NEURL1B: variants seen among roughly 807,000 people sequenced by gnomAD.
NEURL1B encodes the protein E3 ubiquitin-protein ligase NEURL1B.
In NEURL1B, 13 loss-of-function variants were observed where a neutral mutation model predicts 37.4. That is an observed-to-expected ratio of 0.35 (90% confidence interval 0.23 to 0.55). NEURL1B has a LOEUF of 0.55. Ranked by LOEUF, NEURL1B falls within the 20% of genes least tolerant of loss-of-function variation. The pLI, the probability that NEURL1B is intolerant of heterozygous loss-of-function variation, is 0.89. For synonymous variants in NEURL1B, 432 were observed against 426.6 expected, an observed-to-expected ratio of 1.01 and a Z score of -0.16; for missense variants, 790 against 879.2, an observed-to-expected ratio of 0.90 and a Z score of 1.28.
At chr5:172,642,018 C>T (rs1265241902) in intron 1 of NEURL1B, among the ~76,000 whole-genome samples, 2 of 152,240 alleles carry the variant, frequency 1.3e-5, no homozygotes, top group African/African-American at 4.8e-5. Flanking sequence ...GTCGCTGCTG[C>T]AGATCGCATC....
chr5:172,664,903 T>C (rs1202485636), intron 1 of NEURL1B, among the ~76,000 whole-genome samples: 3 of 152,214 alleles, frequency 2.0e-5, no homozygotes, highest in African/African-American at 7.2e-5. Flanking sequence ...TAAACAAATA[T>C]GTAAACTTCG....
intron 2 of NEURL1B, among the ~76,000 whole-genome samples, chr5:172,679,232 A>G (rs1198284876): frequency 6.6e-6 from 1 of 152,092 alleles, no homozygotes; most frequent in Non-Finnish European, 1.5e-5. Context: ...CCTGTCTGTC[A>G]CCCCCAGGCT....
intron 2 of NEURL1B, among the ~76,000 whole-genome samples, chr5:172,673,758 T>C (rs1758175681): frequency 6.8e-6 from 1 of 147,032 alleles, no homozygotes; most frequent in Non-Finnish European, 1.5e-5. Context: ...GCCTGGCTAA[T>C]TAGGAAAAAA....
chr5:172,683,437 C>T lies in NEURL1B; in HGVS notation c.596C>T (p.Thr199Met). 7.0e-7 allele frequency: 1 copy of T among 1,431,732 alleles called. No individual in the cohort carries two copies. The highest frequency in any genetic ancestry group is 9.2e-7 in the Non-Finnish European group (1 of 1,091,846). 88.7% of individuals were successfully genotyped at this position (1,431,732 alleles called of 1,614,324 possible). Residue 199 changes from threonine to methionine, a missense_variant, in exon 3 of 5, where the codon ACG (threonine) becomes ATG (methionine). By Grantham distance (81) the Thr-to-Met change is moderately conservative (BLOSUM62 -1). Around this residue, in one of 3 missense-constraint regions of NEURL1B, gnomAD observed 460 missense variants for 407.4 expected, o/e 1.13. Transcript: ENST00000369800. The surrounding 1 kb of genome is among the most constrained non-coding windows in gnomAD (Gnocchi z 5.6). ...CGCACAGAGAGCGCCTTCGCTGACACGCTGACGCCCGCGCGCCTCAGCCAG... is the reference window on the plus strand; with the variant it reads ...CGCACAGAGAGCGCCTTCGCTGACATGCTGACGCCCGCGCGCCTCAGCCAG... ...VQLLESAFADTLTPARLSQAR... is the reference protein window; with the variant it reads ...VQLLESAFADMLTPARLSQAR...
rs1758400535 is a variant in NEURL1B, at chr5:172,683,337, G to A, written c.578-82G>A. On this transcript the variant is annotated intron_variant, in intron 2 of 4. Coordinates refer to ENST00000369800, the MANE Select transcript of NEURL1B (RefSeq NM_001142651.3). This position sits in a 1 kb window ranked among gnomAD's most constrained non-coding sequence, Gnocchi z 5.6. ...CCCGGGTCGGTCGTGGAGGCCTGCA[G>A]GAGGCAGCGGGCGAGGAGGGGCTCG... 3.2e-6 allele frequency: 4 copies of A among 1,254,464 alleles called. No homozygotes were observed. The highest frequency in any genetic ancestry group is 1.6e-5 in the African/African-American group (1 of 64,012). 77.7% of individuals were successfully genotyped at this position (1,254,464 alleles called of 1,614,324 possible).
intron 1 of NEURL1B, among the ~76,000 whole-genome samples, chr5:172,664,485 G>A (rs529700727): frequency 1.1e-4 from 17 of 152,218 alleles, no homozygotes; most frequent in African/African-American, 2.6e-4. Context: ...GAGAGGCAGC[G>A]GGTGGGGGGG....
Position 172,676,905 on chromosome 5 carries a change from C to CA in NEURL1B, c.578-6511dup. Among the ~76,000 whole-genome samples the CA allele has an allele frequency of 6.6e-6, 1 of 152,172 alleles. No individual in the cohort carries two copies. The highest frequency in any genetic ancestry group is 1.5e-5 in the Non-Finnish European group (1 of 68,042). On this transcript the variant is annotated intron_variant, in intron 2 of 4. Transcript: ENST00000369800. This position sits in a 1 kb window ranked among gnomAD's most constrained non-coding sequence, Gnocchi z 4.5. ...AGAGTTTGTTCATTATTGTTATAAACAAAGTGTGTGATAAAGACCTGAACT... is the reference window on the plus strand; with the variant it reads ...AGAGTTTGTTCATTATTGTTATAAACAAAAGTGTGTGATAAAGACCTGAACT...
chr5:172,648,189 T>C (rs530994275), intron 1 of NEURL1B, among the ~76,000 whole-genome samples: 1 of 152,336 alleles, frequency 6.6e-6, no homozygotes, highest in East Asian at 1.9e-4. Context: ...ACGTAACCTC[T>C]CTAAGCCTTG....
At chr5:172,656,647 C>A in intron 1 of NEURL1B, 1 of 1,597,986 alleles carries the variant, frequency 6.3e-7, no homozygotes, top group South Asian at 1.1e-5. Context: ...TCTTCCTCGT[C>A]CATCTCCTTG....
chr5:172,653,539 A>AT (rs761298075), intron 1 of NEURL1B, among the ~76,000 whole-genome samples: 1 of 152,174 alleles, frequency 6.6e-6, no homozygotes, highest in Non-Finnish European at 1.5e-5. Flanking sequence ...TGTTATTTTA[A>AT]TGTCCAGTTC....
In NEURL1B at chr5:172,689,521, A is replaced by T. The variant is rs1250596895; in HGVS notation, c.*2596A>T. ...ACTGTACAGTTCCTTCCAATCAGAGATGTTCACGTGTGAAAAAAAAACTGT... is the reference window on the plus strand; with the variant it reads ...ACTGTACAGTTCCTTCCAATCAGAGTTGTTCACGTGTGAAAAAAAAACTGT... On this transcript the variant is annotated 3_prime_UTR_variant, in exon 5 of 5. Transcript: ENST00000369800. The T allele has an allele frequency of 6.6e-6, 1 of 152,128 alleles. No individual in the cohort carries two copies. The highest frequency in any genetic ancestry group is 1.9e-4 in the East Asian group (1 of 5,188). The allele number at this position is 152,128 out of a possible 1,614,324, so 9.4% of individuals were successfully genotyped here. A position where few individuals can be genotyped will look rare whatever the true frequency, so the allele number is the denominator to read the frequency against.
chr5:172,656,752 G>A (rs1235176464), intron 1 of NEURL1B: 9 of 828,500 alleles, frequency 1.1e-5, no homozygotes, highest in East Asian at 2.6e-5. Context: ...AAGTTTAAAA[G>A]TAGAAGGCAA....
chr5:172,658,855 C>T (rs1366383673), intron 1 of NEURL1B, among the ~76,000 whole-genome samples: 2 of 152,148 alleles, frequency 1.3e-5, no homozygotes, highest in Non-Finnish European at 2.9e-5. Context: ...GCCCTACCCC[C>T]AATTCTTTTT....
rs539125660 is a variant in NEURL1B, at chr5:172,686,983, G to A, written c.*58G>A. The A allele has an allele frequency of 1.3e-6, 2 of 1,507,832 alleles. No individual in the cohort carries two copies. The highest frequency in any genetic ancestry group is 1.3e-5 in the South Asian group (1 of 78,868). The allele number at this position is 1,507,832 out of a possible 1,614,324, so 93.4% of individuals were successfully genotyped here. On this transcript the variant is annotated 3_prime_UTR_variant, in exon 5 of 5. Transcript: ENST00000369800. This position sits in a 1 kb window ranked among gnomAD's most constrained non-coding sequence, Gnocchi z 7.9. ...GGTCACCTTTCTGAAGGCCCCCTGG[G>A]CTGGGCAACCACATGGCTGCCAGGG...
intron 1 of NEURL1B, among the ~76,000 whole-genome samples, chr5:172,652,082 C>T (rs1466785107): frequency 6.6e-6 from 1 of 152,260 alleles, no homozygotes; most frequent in Non-Finnish European, 1.5e-5. Context: ...CTTAAGCTCA[C>T]TGCATCCCTT....
Position 172,686,100 on chromosome 5 carries a change from G to A in NEURL1B, c.1298-71G>A. On this transcript the variant is annotated intron_variant, in intron 3 of 4. Transcript: ENST00000369800. The surrounding 1 kb of genome is among the most constrained non-coding windows in gnomAD (Gnocchi z 7.9). ...GACGGGAAAGCTAAGGTGCAAAGCA[G>A]TGAAGAACCATGGACTAGCAGGGCA... is the stretch of plus-strand genomic sequence containing the variant. The A allele has an allele frequency of 2.0e-6, 3 of 1,530,314 alleles. No homozygotes were observed. The highest frequency in any genetic ancestry group is 2.6e-6 in the Non-Finnish European group (3 of 1,135,414). 94.8% of individuals were successfully genotyped at this position (1,530,314 alleles called of 1,614,324 possible).
Position 172,670,183 on chromosome 5 carries a change from CTG to C in NEURL1B, c.431_432del (p.Leu144ArgfsTer37). On this transcript the variant is annotated frameshift_variant, in exon 2 of 5. Coordinates refer to ENST00000369800, the MANE Select transcript of NEURL1B (RefSeq NM_001142651.3). LOFTEE classifies it high-confidence loss of function. ...PENLALRDTVLAYWADRHGRV... is the reference protein window; with the variant it reads ...PENLALRDTVXAYWADRHGRV... ...GAACCTGGCGCTGCGCGACACGGTG[CTG>C]GCCTACTGGGCCGACCGCCACGGCC... The C allele has an allele frequency of 1.4e-6, 2 of 1,479,142 alleles. No homozygotes were observed. Among genetic ancestry groups the C allele is most frequent in the Non-Finnish European group, 1.8e-6 (2 of 1,119,186 alleles). The allele number at this position is 1,479,142 out of a possible 1,614,324, so 91.6% of individuals were successfully genotyped here.
rs1158448111 is a variant in NEURL1B, at chr5:172,647,654, TG to T, written c.31+6218del. 6.6e-6 allele frequency among the ~76,000 whole-genome samples: 1 copy of T among 152,122 alleles called. No homozygotes were observed. The highest frequency in any genetic ancestry group is 1.5e-5 in the Non-Finnish European group (1 of 68,016). ...GTGCACTCCCTTTGCCCTCTGAAGA[TG>T]AATTACTTCTGTCCACAGCCGCCAA... is the stretch of plus-strand genomic sequence containing the variant. On this transcript the variant is annotated intron_variant, in intron 1 of 4. Transcript: ENST00000369800. The surrounding 1 kb of genome is among the most constrained non-coding windows in gnomAD (Gnocchi z 4.2).
At chr5:172,659,660 C>T (rs1031925744) in intron 1 of NEURL1B, among the ~76,000 whole-genome samples, 2 of 152,156 alleles carry the variant, frequency 1.3e-5, no homozygotes, top group Admixed American at 6.5e-5. Flanking sequence ...CAGCAGCCCC[C>T]AGAACCTTCT....
Sources: allele counts gnomAD v4.1 joint callset (sites outside exome capture counted in the v4.1 genomes callset), GRCh38; gene constraint gnomAD v4.1.1; regional missense constraint gnomAD v4.1.1; non-coding constraint Gnocchi (gnomAD v3.1); transcripts MANE v1.5; gene names NCBI Gene and HGNC (gene_info 2026-07-23, HGNC 2026-07-21).